Variants in EHMT1 observed in about 807,000 individuals in gnomAD.
The protein encoded by EHMT1 is euchromatic histone lysine methyltransferase 1.
EHMT1 carries 15 observed loss-of-function variants against 147.2 expected under a neutral mutation model. The ratio of observed to expected loss-of-function variants is 0.10; its 90% CI spans 0.07 to 0.16. The LOEUF (loss-of-function observed/expected upper bound fraction) is 0.16. Ranked by LOEUF, EHMT1 falls within the 10% of genes least tolerant of loss-of-function variation. The pLI is 1.00. For synonymous variants in EHMT1, 795 were observed against 709.6 expected, an observed-to-expected ratio of 1.12 and a Z score of -1.91; for missense variants, 1,587 against 1,772.4, an observed-to-expected ratio of 0.90 and a Z score of 1.88.
At position 137,635,568 on chromosome 9, in the gene EHMT1, C is replaced by G. The variant is rs571207554; in HGVS notation, c.21+16519C>G. 9.9e-5 allele frequency among the ~76,000 whole-genome samples: 15 copies of G among 151,152 alleles called. No homozygotes were observed. The South Asian group carries it at 3.2e-3, about 32-fold the overall frequency. ...GGGCGCGGTGGCTCACGCCTGTAATCCCAGCACTTTGGGAGGCCGAGGTGG... is the reference window on the plus strand; with the variant it reads ...GGGCGCGGTGGCTCACGCCTGTAATGCCAGCACTTTGGGAGGCCGAGGTGG... On this transcript the variant is annotated intron_variant, in intron 1 of 26. Coordinates refer to ENST00000460843, the MANE Select transcript of EHMT1 (RefSeq NM_024757.5).
intron 25 of EHMT1, among the ~76,000 whole-genome samples, chr9:137,818,605 A>G (rs58391414): frequency 1.1e-3 from 107 of 97,172 alleles, no homozygotes; most frequent in African/African-American, 9.4e-3. Flanking sequence ...GGCGCCATGT[A>G]CCGAGACCGT....
rs1956481059 is a variant in EHMT1, at chr9:137,834,713, T to C, written c.3717-60T>C. On this transcript the variant is annotated intron_variant, in intron 26 of 26. Transcript: ENST00000460843. ...AGCTTTGGCCTTGCCTTAATTTATC[T>C]GGCTTGTGGGAGGTGCCGGTGGGAT... 1.5e-5 allele frequency: 24 copies of C among 1,612,014 alleles called. 1 individual carries two copies. In the Middle Eastern group the frequency reaches 6.9e-4, roughly 46 times the overall value.
chr9:137,645,106 C>T (rs998749713), intron 1 of EHMT1, among the ~76,000 whole-genome samples: 6 of 152,174 alleles, frequency 3.9e-5, no homozygotes, highest in African/African-American at 4.8e-5. Context: ...CTCCTGGCCT[C>T]AAATGATCCG....
chr9:137,739,959 C>T (rs1056268444), intron 4 of EHMT1, among the ~76,000 whole-genome samples: 8 of 152,192 alleles, frequency 5.3e-5, no homozygotes, highest in Non-Finnish European at 1.2e-4. Context: ...GAGCTGGGCC[C>T]TGCTCTATGT....
At chr9:137,676,142 ACTC>A in intron 1 of EHMT1, 1 of 126,984 alleles carries the variant, frequency 7.9e-6, no homozygotes, top group Non-Finnish European at 1.6e-5. Flanking sequence ...CTGGTCTTGA[ACTC>A]CTGACTTCAA....
In EHMT1 at chr9:137,813,632, G is replaced by A; in HGVS notation, c.3180+102G>A. The A allele has an allele frequency of 4.0e-6, 6 of 1,514,376 alleles. No individual in the cohort carries two copies. The highest frequency in any genetic ancestry group is 5.4e-6 in the Non-Finnish European group (6 of 1,112,696). 93.8% of individuals were successfully genotyped at this position (1,514,376 alleles called of 1,614,324 possible). A position where few individuals can be genotyped will look rare whatever the true frequency, so the allele number is the denominator to read the frequency against. On this transcript the variant is annotated intron_variant, in intron 21 of 26. Coordinates refer to ENST00000460843, the MANE Select transcript of EHMT1 (RefSeq NM_024757.5). The surrounding 1 kb of genome is among the most constrained non-coding windows in gnomAD (Gnocchi z 4.9). Reference sequence around the variant, plus strand: ...GGTTCTCACCACTCAGAGCAGGAGGGCTTATGGGGGGCTTCCCAGGAAGAC... The same window carrying A: ...GGTTCTCACCACTCAGAGCAGGAGGACTTATGGGGGGCTTCCCAGGAAGAC...
intron 25 of EHMT1, 180 bp from the exon 26 acceptor site, chr9:137,834,169 C>A: frequency 1.3e-6 from 1 of 780,958 alleles, no homozygotes; most frequent in Non-Finnish European, 2.0e-6. Flanking sequence ...GGCCACACAG[C>A]GAGGAGAAGG....
intron 18 of EHMT1, chr9:137,803,159 A>C (rs1953647348): frequency 8.2e-7 from 1 of 1,225,174 alleles, no homozygotes; most frequent in Non-Finnish European, 1.0e-6. Flanking sequence ...GTTCCCCCAG[A>C]ATGGAAGCAT....
At chr9:137,642,428 C>T (rs1844560688) in intron 1 of EHMT1, among the ~76,000 whole-genome samples, 3 of 152,156 alleles carry the variant, frequency 2.0e-5, no homozygotes, top group African/African-American at 4.8e-5. Flanking sequence ...ACCTCAGCCT[C>T]CTGAGTAGCT....
At chr9:137,792,950 G>A (rs544099818) in intron 16 of EHMT1, among the ~76,000 whole-genome samples, 9 of 152,196 alleles carry the variant, frequency 5.9e-5, no homozygotes, top group African/African-American at 2.2e-4. Context: ...ACTCACGTTC[G>A]TAGGGAACCT....
chr9:137,635,794 T>C (rs1031829541), intron 1 of EHMT1, among the ~76,000 whole-genome samples: 14 of 151,528 alleles, frequency 9.2e-5, no homozygotes, highest in African/African-American at 3.4e-4. Flanking sequence ...CTCTCCAGCC[T>C]GGGCGACAGA....
chr9:137,715,824 TG>T (rs1227708226), intron 2 of EHMT1: 1 of 985,292 alleles, frequency 1.0e-6, no homozygotes, highest in Non-Finnish European at 1.2e-6. Flanking sequence ...TCTGAAGCCT[TG>T]TTTTCTATCT....
chr9:137,638,033 G>T (rs1331308182), intron 1 of EHMT1: 1 of 151,618 alleles, frequency 6.6e-6, no homozygotes, highest in Non-Finnish European at 1.5e-5. Flanking sequence ...ATAAATTTTG[G>T]TAAGTGGGGT....
chr9:137,757,714 G>A (rs946614482), intron 8 of EHMT1, among the ~76,000 whole-genome samples, 166 bp from the exon 9 acceptor site: 4 of 152,002 alleles, frequency 2.6e-5, no homozygotes, highest in East Asian at 3.9e-4. Flanking sequence ...GAAAATGATA[G>A]TGAAACTGGA....
Position 137,716,889 on chromosome 9 carries a change from A to G in EHMT1, c.349A>G (p.Thr117Ala), listed in dbSNP as rs1430981983. 1.2e-6 allele frequency: 2 copies of G among 1,612,980 alleles called. No individual in the cohort carries two copies. Among genetic ancestry groups the G allele is most frequent in the Admixed American group, 3.3e-5 (2 of 59,972 alleles). ...CGTCACTGCCGACGACTTTGTGCAG[A>G]CTTCTGTCATCGGCAGCAACGGATA... is the stretch of plus-strand genomic sequence containing the variant. ...NHVTADDFVQ[T>A]SVIGSNGYIL... Residue 117 changes from threonine (T) to alanine (A), a missense_variant, in exon 3 of 27, where the codon ACT becomes GCT. Thr to Ala is a moderately conservative substitution (Grantham distance 58). Around this residue, in one of 7 missense-constraint regions of EHMT1, gnomAD observed 810 missense variants for 673.0 expected, o/e 1.20. Transcript: ENST00000460843.
intron 3 of EHMT1, among the ~76,000 whole-genome samples, chr9:137,724,574 C>T (rs528898039): frequency 4.6e-5 from 7 of 152,336 alleles, no homozygotes; most frequent in Middle Eastern, 3.4e-3. Flanking sequence ...CAAGAATTAG[C>T]CTCACATGGC....
At chr9:137,669,257 T>G (rs1434869315) in intron 1 of EHMT1, among the ~76,000 whole-genome samples, 1 of 147,342 alleles carries the variant, frequency 6.8e-6, no homozygotes, top group Non-Finnish European at 1.5e-5. Context: ...TCTCGCCCAG[T>G]GCTTACTGCT....
Position 137,752,326 on chromosome 9 carries a change from A to G in EHMT1, c.1171-5A>G, listed in dbSNP as rs1269484827. On this transcript the variant is annotated splice_region_variant and splice_polypyrimidine_tract_variant and intron_variant, in intron 6 of 26. Transcript: ENST00000460843. ...GGTTCCCGCTTCGACTGTGTGGCTG[A>G]TCAGATGGACGGGGAGTCCGAGGAG... 1 of 1,614,158 alleles carries G rather than the reference A, an allele frequency of 6.2e-7. No homozygotes were observed. Among genetic ancestry groups the G allele is most frequent in the Non-Finnish European group, 8.5e-7 (1 of 1,180,020 alleles).
chr9:137,639,661 T>C (rs560173599), intron 1 of EHMT1, among the ~76,000 whole-genome samples: 1 of 152,372 alleles, frequency 6.6e-6, no homozygotes, highest in East Asian at 1.9e-4. Context: ...GCATACTATA[T>C]CTTTTTCTGG....
Sources: allele counts gnomAD v4.1 joint callset (sites outside exome capture counted in the v4.1 genomes callset), GRCh38; gene constraint gnomAD v4.1.1; regional missense constraint gnomAD v4.1.1; non-coding constraint Gnocchi (gnomAD v3.1); transcripts MANE v1.5; gene names NCBI Gene and HGNC (gene_info 2026-07-23, HGNC 2026-07-21).